CRACD: variants seen among roughly 807,000 people sequenced by gnomAD.
CRACD encodes the protein capping protein-inhibiting regulator of actin dynamics.
CRACD carries 56 observed loss-of-function variants against 106.8 expected under a neutral mutation model. The ratio of observed to expected loss-of-function variants is 0.52; its 90% confidence interval spans 0.42 to 0.66. The LOEUF is 0.66. CRACD is among the 30% of genes least tolerant of loss of function. CRACD has a pLI of 0.00. For synonymous variants in CRACD, 754 were observed against 670.8 expected (o/e 1.12, Z -1.92); for missense variants, 1,730 against 1,623.2 (o/e 1.07, Z -1.13).
chr4:56,311,038 G>T (rs1745127385), intron 6 of CRACD: 2 of 285,404 alleles, frequency 7.0e-6, no homozygotes, highest in Admixed American at 5.0e-5. Flanking sequence ...CCTGTTAATT[G>T]ATTGAAAAAG....
Position 56,314,400 on chromosome 4 carries a change from T to C in CRACD, c.898T>C (p.Trp300Arg), listed in dbSNP as rs759241927. 7.6e-6 allele frequency: 9 copies of C among 1,188,512 alleles called. No homozygotes were observed. Among genetic ancestry groups the C allele is most frequent in the African/African-American group, 2.0e-5 (1 of 51,098 alleles). The allele number at this position is 1,188,512 out of a possible 1,614,324, so 73.6% of individuals were successfully genotyped here. A position where few individuals can be genotyped will look rare whatever the true frequency, so the allele number is the denominator to read the frequency against. Residue 300 changes from tryptophan (W) to arginine (R), a missense_variant, in exon 8 of 11, where the codon TGG becomes CGG. By Grantham distance (101) the Trp-to-Arg change is moderately radical (BLOSUM62 -3). Around this residue, in one of 5 missense-constraint regions of CRACD, gnomAD observed 1,620 missense variants for 1,481.6 expected, o/e 1.09. Coordinates refer to ENST00000682029, the MANE Select transcript of CRACD (RefSeq NM_001393381.1). The surrounding 1 kb of genome is among the most constrained non-coding windows in gnomAD (Gnocchi z 4.4). ...GCAGCGGAGCCTGGAAGCGCCAGGT[T>C]GGGAGGACGCGGAGCGGAGGGAGCG... ...EQQRSLEAPG[W>R]EDAERREREE...
rs1745276318 is a variant in CRACD, at chr4:56,313,292, T to C, written c.450T>C (p.Ala150=). 1.2e-6 allele frequency: 2 copies of C among 1,614,098 alleles called. No individual in the cohort carries two copies. The highest frequency in any genetic ancestry group is 3.3e-5 in the Admixed American group (2 of 60,014). The change falls in exon 7 of 11, where the codon GCT becomes GCC. Residue 150 remains alanine, a synonymous_variant. Coordinates refer to ENST00000682029, the MANE Select transcript of CRACD (RefSeq NM_001393381.1). ...VNLDAIPLAI[A]RLDNSAAKHK... ...TAGATGCCATCCCCCTGGCCATCGC[T>C]CGCCTGGACAACAGTGCCGCCAAGC...
intron 2 of CRACD, among the ~76,000 whole-genome samples, chr4:56,224,997 GT>G (rs1739227200): frequency 6.6e-6 from 1 of 152,174 alleles, no homozygotes; most frequent in Non-Finnish European, 1.5e-5. Flanking sequence ...GCCCTTCAGT[GT>G]CCACCTGAAG....
chr4:56,189,322 T>G (rs1400112927), intron 2 of CRACD, among the ~76,000 whole-genome samples: 1 of 152,184 alleles, frequency 6.6e-6, no homozygotes, highest in Non-Finnish European at 1.5e-5. Flanking sequence ...CATAACTCCT[T>G]AAACATTATT....
chr4:56,182,899 G>A (rs945472195), intron 2 of CRACD, among the ~76,000 whole-genome samples: 1 of 142,500 alleles, frequency 7.0e-6, no homozygotes, highest in Non-Finnish European at 1.5e-5. Flanking sequence ...GTGTGTGTGT[G>A]TGTATGGCTC....
intron 1 of CRACD, among the ~76,000 whole-genome samples, chr4:56,072,997 G>A (rs945283222): frequency 6.6e-6 from 1 of 152,138 alleles, no homozygotes; most frequent in Non-Finnish European, 1.5e-5. Flanking sequence ...TCTTTATCCA[G>A]TCTATCATTG....
At chr4:56,155,543 C>A (rs1475281671) in intron 1 of CRACD, among the ~76,000 whole-genome samples, 1 of 152,188 alleles carries the variant, frequency 6.6e-6, no homozygotes, top group African/African-American at 2.4e-5. Context: ...CTGTTTTAAG[C>A]CTTCTACGTC....
At chr4:56,092,078 GTGAACAA>G (rs1262593774) in intron 1 of CRACD, among the ~76,000 whole-genome samples, 1 of 152,170 alleles carries the variant, frequency 6.6e-6, no homozygotes, top group Non-Finnish European at 1.5e-5. Flanking sequence ...TCAATGAACA[GTGAACAA>G]ATAAATGAAC....
In CRACD at chr4:56,132,116, C is replaced by T. The variant is rs144250684; in HGVS notation, c.-335-47168C>T. Among the ~76,000 whole-genome samples the T allele has an allele frequency of 3.3e-3, 505 of 152,272 alleles. 6 individuals carry two copies. Among genetic ancestry groups the T allele is most frequent in the African/African-American group, 0.012 (478 of 41,554 alleles). ...CTAGAGTGCAGTGGTGCAACCACAG[C>T]TCCTGTAACCTTTACCTTCCAGGCT... On this transcript the variant is annotated intron_variant, in intron 1 of 10. Coordinates refer to ENST00000682029, the MANE Select transcript of CRACD (RefSeq NM_001393381.1).
chr4:56,049,741 G>T (rs1283081437), intron 1 of CRACD: 1 of 152,470 alleles, frequency 6.6e-6, no homozygotes, highest in Admixed American at 6.5e-5. Flanking sequence ...CCCCGGAGCT[G>T]CATTGCTTTG....
chr4:56,049,595 C>T (rs1042146158), intron 1 of CRACD, among the ~76,000 whole-genome samples: 10 of 152,134 alleles, frequency 6.6e-5, no homozygotes, highest in African/African-American at 2.2e-4. Flanking sequence ...GGGACCTCGC[C>T]TGCCTTCTCC....
chr4:56,169,660 C>T (rs1435642745), intron 1 of CRACD, among the ~76,000 whole-genome samples: 1 of 152,106 alleles, frequency 6.6e-6, no homozygotes, highest in Non-Finnish European at 1.5e-5. Flanking sequence ...CCACACCCAG[C>T]TAATTTTTGT....
chr4:56,203,106 A>G (rs981981787), intron 2 of CRACD, among the ~76,000 whole-genome samples: 4 of 152,242 alleles, frequency 2.6e-5, no homozygotes, highest in African/African-American at 9.6e-5. Context: ...GAGGGAAAGA[A>G]GAAGGCAGTC....
intron 1 of CRACD, among the ~76,000 whole-genome samples, chr4:56,081,695 G>T (rs1371611684): frequency 2.0e-5 from 3 of 152,330 alleles, no homozygotes; most frequent in Admixed American, 6.5e-5. Flanking sequence ...GGCCAGGTTG[G>T]CTGGGCATGG....
intron 1 of CRACD, among the ~76,000 whole-genome samples, chr4:56,129,025 T>C (rs1470512950): frequency 7.7e-6 from 1 of 130,434 alleles, no homozygotes; most frequent in Admixed American, 8.1e-5. Flanking sequence ...GTGAAAATGT[T>C]TTACCTATTT....
intron 5 of CRACD, among the ~76,000 whole-genome samples, chr4:56,309,429 C>T (rs1013116296): frequency 2.0e-5 from 3 of 152,046 alleles, no homozygotes; most frequent in South Asian, 2.1e-4. Context: ...TAGATGGTGT[C>T]GCAGGGGCCA....
intron 1 of CRACD, among the ~76,000 whole-genome samples, chr4:56,088,465 G>A (rs1291027093): frequency 6.8e-6 from 1 of 147,636 alleles, no homozygotes; most frequent in African/African-American, 2.5e-5. Flanking sequence ...CCTCCCAAGT[G>A]GGGAGGCTGG....
intron 1 of CRACD, among the ~76,000 whole-genome samples, chr4:56,123,387 C>T (rs74766356): frequency 0.046 from 7,057 of 152,282 alleles, 272 homozygotes; most frequent in East Asian, 0.086. Context: ...CAGAAGGCTG[C>T]CTTCTCTCTG....
intron 2 of CRACD, among the ~76,000 whole-genome samples, chr4:56,254,120 C>T (rs1475545394): frequency 2.0e-5 from 3 of 152,264 alleles, no homozygotes; most frequent in East Asian, 1.9e-4. Flanking sequence ...ACCATGCCAG[C>T]GGGAATCTAT....
Sources: allele counts gnomAD v4.1 joint callset (sites outside exome capture counted in the v4.1 genomes callset), GRCh38; gene constraint gnomAD v4.1.1; regional missense constraint gnomAD v4.1.1; non-coding constraint Gnocchi (gnomAD v3.1); transcripts MANE v1.5; gene names NCBI Gene and HGNC (gene_info 2026-07-23, HGNC 2026-07-21).